The following DDI2 variants were observed in gnomAD, a reference collection of about 807,000 sequenced individuals.
The protein encoded by DDI2 is protein DDI1 homolog 2.
DDI2 carries 5 observed loss-of-function variants against 48.1 expected under a neutral mutation model. That is an observed-to-expected ratio of 0.10 (90% CI 0.05 to 0.22). The LOEUF (loss-of-function observed/expected upper bound fraction) is 0.22, where lower values mean the gene tolerates loss of function less well. Ranked by LOEUF, DDI2 falls within the 10% of genes least tolerant of loss-of-function variation. The pLI is 1.00. For missense variants in DDI2, 285 were observed against 506.2 expected (o/e 0.56, Z 4.19); for synonymous variants, 205 against 183.6 (o/e 1.12, Z -0.94).
chr1:15,668,820 G>C lies in DDI2; in HGVS notation c.*9030G>C, dbSNP rs1640489243. ...AACCAAACTCAGGAATCCCAAAATT[G>C]GTGGCATTGTGCCATTCGTTTAGGG... On this transcript the variant is annotated 3_prime_UTR_variant, in exon 10 of 10. Coordinates refer to ENST00000480945, the MANE Select transcript of DDI2 (RefSeq NM_032341.5). 6.6e-6 allele frequency: 1 copy of C among 152,198 alleles called. No homozygotes were observed. Among genetic ancestry groups the C allele is most frequent in the South Asian group, 2.1e-4 (1 of 4,830 alleles). The allele number at this position is 152,198 out of a possible 1,614,324, so 9.4% of individuals were successfully genotyped here.
chr1:15,643,947 A>G (rs996126779), intron 6 of DDI2, among the ~76,000 whole-genome samples: 4 of 152,070 alleles, frequency 2.6e-5, no homozygotes, highest in African/African-American at 9.7e-5. Flanking sequence ...ACTTACCTCC[A>G]TATTTCTAAA....
chr1:15,619,320 T>G (rs1234439809), intron 1 of DDI2, among the ~76,000 whole-genome samples: 2 of 151,416 alleles, frequency 1.3e-5, no homozygotes, highest in Non-Finnish European at 1.5e-5. Flanking sequence ...GAGACGGGGT[T>G]TCACCATGTT....
chr1:15,663,495 G>A lies in DDI2; in HGVS notation c.*3705G>A, dbSNP rs1160187398. Reference sequence around the variant, plus strand: ...GAAATGGTTGACAGAAGGAATTGTAGTTTACTGCTTTTCAGAGGGCGTGAA... The same window carrying A: ...GAAATGGTTGACAGAAGGAATTGTAATTTACTGCTTTTCAGAGGGCGTGAA... On this transcript the variant is annotated 3_prime_UTR_variant, in exon 10 of 10. Coordinates refer to ENST00000480945, the MANE Select transcript of DDI2 (RefSeq NM_032341.5). 6.6e-6 allele frequency: 1 copy of A among 152,132 alleles called. No individual in the cohort carries two copies. 9.4% of individuals were successfully genotyped at this position (152,132 alleles called of 1,614,324 possible).
intron 1 of DDI2, among the ~76,000 whole-genome samples, chr1:15,621,747 A>C (rs1374877236): frequency 1.3e-5 from 2 of 152,198 alleles, no homozygotes; most frequent in Non-Finnish European, 2.9e-5. Context: ...GTAATTTAGC[A>C]ATTTCCCTTT....
At chr1:15,654,838 C>T (rs753263757) in intron 8 of DDI2, among the ~76,000 whole-genome samples, 2 of 152,096 alleles carry the variant, frequency 1.3e-5, no homozygotes, top group Non-Finnish European at 2.9e-5. Flanking sequence ...ATGAATTTGA[C>T]ATAGCTCCTT....
chr1:15,622,073 ATCTTTAT>A (rs1639674922), intron 1 of DDI2, among the ~76,000 whole-genome samples: 1 of 151,760 alleles, frequency 6.6e-6, no homozygotes. Context: ...TCCTTATTTT[ATCTTTAT>A]TCTTTATATT....
At position 15,649,703 on chromosome 1, in the gene DDI2, CTT is replaced by C. The variant is rs1332120495; in HGVS notation, c.890-16_890-15del. ...GAAGTACGTAACAATAACCTTTTCT[CTT>C]CATGTGCTTTTTAGCTCAGGTTCAG... On this transcript the variant is annotated splice_polypyrimidine_tract_variant and intron_variant, in intron 6 of 9. Coordinates refer to ENST00000480945, the MANE Select transcript of DDI2 (RefSeq NM_032341.5). 1 of 1,604,398 alleles carries C rather than the reference CTT, an allele frequency of 6.2e-7. No individual in the cohort carries two copies.
Position 15,650,317 on chromosome 1 carries a change from A to C in DDI2, c.993+494A>C, listed in dbSNP as rs187663245. Among the ~76,000 whole-genome samples the C allele has an allele frequency of 2.3e-4, 35 of 152,346 alleles. No homozygotes were observed. In the East Asian group the frequency reaches 6.0e-3, roughly 26 times the overall value. ...TATTTATCTTTCTACTCTAAAGCAC[A>C]ATAATTTGAGATATACTGCCGTCGT... is the stretch of plus-strand genomic sequence containing the variant. On this transcript the variant is annotated intron_variant, in intron 7 of 9. Coordinates refer to ENST00000480945, the MANE Select transcript of DDI2 (RefSeq NM_032341.5).
Position 15,661,852 on chromosome 1 carries a change from CAGATTTTTTTTAA to C in DDI2, c.*2073_*2085del. On this transcript the variant is annotated 3_prime_UTR_variant, in exon 10 of 10. Transcript: ENST00000480945. ...GAAACCTGCAAGCAGAATGTTGAGC[CAGATTTTTTTTAA>C]AGATTTTTTTCGGCCAAAGTAATTT... 1.6e-6 allele frequency: 2 copies of C among 1,261,012 alleles called. No individual in the cohort carries two copies. Among genetic ancestry groups the C allele is most frequent in the Non-Finnish European group, 2.0e-6 (2 of 976,464 alleles). 78.1% of individuals were successfully genotyped at this position (1,261,012 alleles called of 1,614,324 possible). A position where few individuals can be genotyped will look rare whatever the true frequency, so the allele number is the denominator to read the frequency against.
In DDI2 at chr1:15,664,515, A is replaced by G. The variant is rs1415545860; in HGVS notation, c.*4725A>G. 1 of 152,034 alleles carries G rather than the reference A, an allele frequency of 6.6e-6. No homozygotes were observed. Among genetic ancestry groups the G allele is most frequent in the African/African-American group, 2.4e-5 (1 of 41,408 alleles). The allele number at this position is 152,034 out of a possible 1,614,324, so 9.4% of individuals were successfully genotyped here. ...AGCAGCTCTAGAATGCAAAGGGTAT[A>G]TTAAGGAGCATTACAATAGTGAACC... is the stretch of plus-strand genomic sequence containing the variant. On this transcript the variant is annotated 3_prime_UTR_variant, in exon 10 of 10. Transcript: ENST00000480945.
At chr1:15,621,681 C>T (rs562541243) in intron 1 of DDI2, among the ~76,000 whole-genome samples, 16 of 152,132 alleles carry the variant, frequency 1.1e-4, no homozygotes, top group East Asian at 7.7e-4. Flanking sequence ...CCACCGCATC[C>T]GGCCCCAAAT....
intron 4 of DDI2, 73 bp from the exon 5 acceptor site, chr1:15,638,232 AAT>A: frequency 6.3e-7 from 1 of 1,597,180 alleles, no homozygotes; most frequent in Non-Finnish European, 8.5e-7. Context: ...TCTGTTTTTT[AAT>A]ATTGTGACTT....
rs1640451258 is a variant in DDI2, at chr1:15,666,275, C to T, written c.*6485C>T. 6.6e-6 allele frequency: 1 copy of T among 152,044 alleles called. No homozygotes were observed. The highest frequency in any genetic ancestry group is 1.5e-5 in the Non-Finnish European group (1 of 68,014). The allele number at this position is 152,044 out of a possible 1,614,324, so 9.4% of individuals were successfully genotyped here. On this transcript the variant is annotated 3_prime_UTR_variant, in exon 10 of 10. Transcript: ENST00000480945. ...TTGATTTTCTTTTGTGCCTTAGTTT[C>T]TCTGAATAGCAGAGGCATCAAATTT...
chr1:15,645,686 T>C (rs1640078954), intron 6 of DDI2, among the ~76,000 whole-genome samples: 2 of 151,872 alleles, frequency 1.3e-5, no homozygotes, highest in African/African-American at 2.4e-5. Context: ...CTGGGCAACA[T>C]AGGGAGAATT....
At chr1:15,649,551 A>G (rs374431195) in intron 6 of DDI2, among the ~76,000 whole-genome samples, 169 bp from the exon 7 acceptor site, 4 of 151,698 alleles carry the variant, frequency 2.6e-5, no homozygotes, top group African/African-American at 9.7e-5. Flanking sequence ...CATGCCTGTA[A>G]TCCCAGCTAC....
chr1:15,626,588 T>G (rs1351855717), intron 1 of DDI2, 81 bp from the exon 2 acceptor site: 1 of 1,572,746 alleles, frequency 6.4e-7, no homozygotes, highest in East Asian at 2.3e-5. Context: ...GACATCTGAT[T>G]CAGGGGAAAA....
chr1:15,636,464 T>G (rs149059748), intron 4 of DDI2, among the ~76,000 whole-genome samples: 2,099 of 147,462 alleles, frequency 0.014, 50 homozygotes, highest in African/African-American at 0.05. Context: ...AGAGACAGGG[T>G]CAGCACCATA....
rs533296325 is a variant in DDI2, at chr1:15,631,886, A to G, written c.505+1325A>G. Among the ~76,000 whole-genome samples the G allele has an allele frequency of 1.1e-4, 17 of 151,950 alleles. 1 individual carries two copies. In the South Asian group the frequency reaches 3.1e-3, roughly 28 times the overall value. On this transcript the variant is annotated intron_variant, in intron 3 of 9. Transcript: ENST00000480945. ...AGTGGCGCGATCTCTGCTCACTGCAACCTTCGCCTCCTGGGTTCAAGCGAT... is the reference window on the plus strand; with the variant it reads ...AGTGGCGCGATCTCTGCTCACTGCAGCCTTCGCCTCCTGGGTTCAAGCGAT...
At chr1:15,634,025 A>G (rs1639888119) in intron 4 of DDI2, 1 of 278,880 alleles carries the variant, frequency 3.6e-6, no homozygotes, top group Non-Finnish European at 7.2e-6. Flanking sequence ...GGTAGTCCTA[A>G]GTCTGTTTTC....
Sources: gnomAD v4.1 joint callset for allele counts (sites outside exome capture counted in the v4.1 genomes callset) on GRCh38, gnomAD v4.1.1 for gene constraint, MANE v1.5 for transcripts, NCBI Gene and HGNC (gene_info 2026-07-23, HGNC 2026-07-21) for gene names.